Variants in HMOX1 observed in about 807,000 individuals in gnomAD.
The protein encoded by HMOX1 is heme oxygenase 1.
In HMOX1, 22 loss-of-function variants were observed where a neutral mutation model predicts 27.8. That is an observed-to-expected ratio of 0.79 (90% CI 0.57 to 1.13). The LOEUF (loss-of-function observed/expected upper bound fraction) is 1.13, where lower values mean the gene tolerates loss of function less well. HMOX1 is among the 50% of genes most tolerant of loss of function. HMOX1 has a pLI of 0.00. For synonymous variants in HMOX1, 153 were observed against 151.6 expected (o/e 1.01, Z -0.07); for missense variants, 379 against 377.7 (o/e 1.00, Z -0.03).
intron 3 of HMOX1, 66 bp downstream of exon 3, chr22:35,387,242 A>G: frequency 6.3e-7 from 1 of 1,580,002 alleles, no homozygotes; most frequent in East Asian, 2.2e-5. Context: ...GACCCTTCTC[A>G]TTGTAGGGGA....
Position 35,389,299 on chromosome 22 carries a change from C to T in HMOX1, c.637-565C>T, listed in dbSNP as rs796968259. Among the ~76,000 whole-genome samples, 449 of 69,358 alleles carry T rather than the reference C, an allele frequency of 6.5e-3. 10 individuals carry two copies. Among genetic ancestry groups the T allele is most frequent in the Middle Eastern group, 0.037 (5 of 134 alleles). The allele number at this position is 69,358 out of a possible 152,430, so 45.5% of individuals were successfully genotyped here. A position where few individuals can be genotyped will look rare whatever the true frequency, so the allele number is the denominator to read the frequency against. On this transcript the variant is annotated intron_variant, in intron 3 of 4. Transcript: ENST00000216117. ...CCTCTCTCTCTCTCTCTTCTTTCTT[C>T]TTTCTTTCTTTCTTTCTTTCTTCTT...
At chr22:35,390,729 T>C (rs5755718) in intron 4 of HMOX1, among the ~76,000 whole-genome samples, 67,100 of 151,782 alleles carry the variant, frequency 0.44, 15,810 homozygotes, top group African/African-American at 0.62. Flanking sequence ...AACTCCTGCC[T>C]CCTTAATTTA....
At position 35,393,531 on chromosome 22, in the gene HMOX1, T is replaced by A. The variant is rs1340015433; in HGVS notation, c.800T>A (p.Leu267His). 2 of 1,614,218 alleles carry A rather than the reference T, an allele frequency of 1.2e-6. No homozygotes were observed. The highest frequency in any genetic ancestry group is 2.2e-5 in the South Asian group (2 of 91,086). ...CTCAACACCCGCTCCCAGGCTCCGC[T>A]TCTCCGATGGGTCCTTACACTCAGC... is the stretch of plus-strand genomic sequence containing the variant. Reference protein sequence around the residue: ...PPLNTRSQAPLLRWVLTLSFL... With the variant: ...PPLNTRSQAPHLRWVLTLSFL... The change falls in exon 5 of 5, where the codon CTT (leucine) becomes CAT (histidine). Residue 267 changes from leucine to histidine, a missense_variant. Physicochemically the swap from Leu to His is moderately conservative, Grantham distance 99. Coordinates refer to ENST00000216117, the MANE Select transcript of HMOX1 (RefSeq NM_002133.3).
intron 4 of HMOX1, 57 bp downstream of exon 4, chr22:35,390,020 G>T: frequency 1.9e-6 from 2 of 1,062,418 alleles, no homozygotes; most frequent in Admixed American, 4.2e-5. Context: ...GGACTTGGCT[G>T]TCTGACTGTA....
rs201596112 is a variant in HMOX1 at position 35,386,947 on chromosome 22, G to A, written c.407G>A (p.Arg136His). The change falls in exon 3 of 5, where the codon CGC (arginine) becomes CAC (histidine). Residue 136 changes from arginine to histidine, a missense_variant. Physicochemically the swap from Arg to His is conservative, Grantham distance 29 (BLOSUM62 0). Transcript: ENST00000216117. ...PELLVAHAYT[R>H]YLGDLSGGQV... ...CTGCTGGTGGCCCACGCCTACACCC[G>A]CTACCTGGGTGACCTGTCTGGGGGC... The A allele has an allele frequency of 2.7e-5, 43 of 1,613,942 alleles. No individual in the cohort carries two copies. Among genetic ancestry groups the A allele is most frequent in the Middle Eastern group, 1.6e-4 (1 of 6,082 alleles).
chr22:35,388,484 CAAAA>C (rs965782026), intron 3 of HMOX1, among the ~76,000 whole-genome samples: 2 of 143,082 alleles, frequency 1.4e-5, no homozygotes, highest in African/African-American at 5.3e-5. Context: ...AAAACAAAAA[CAAAA>C]AAAAACGGCT....
chr22:35,392,221 C>CAA (rs35400739), intron 4 of HMOX1, among the ~76,000 whole-genome samples: 107 of 90,540 alleles, frequency 1.2e-3, no homozygotes, highest in African/African-American at 2.1e-3. Context: ...GACTCCATCT[C>CAA]AAAAAAAAAA....
In HMOX1 at chr22:35,389,436, CTTTCTTTCTTTCT is replaced by C. The variant is rs1311167196; in HGVS notation, c.637-413_637-401del. 1.4e-3 allele frequency among the ~76,000 whole-genome samples: 149 copies of C among 107,370 alleles called. 9 individuals are homozygous for C. Among genetic ancestry groups the C allele is most frequent in the Middle Eastern group, 8.5e-3 (2 of 236 alleles). 70.4% of individuals were successfully genotyped at this position (107,370 alleles called of 152,430 possible). On this transcript the variant is annotated intron_variant, in intron 3 of 4. Coordinates refer to ENST00000216117, the MANE Select transcript of HMOX1 (RefSeq NM_002133.3). Reference sequence around the variant, plus strand: ...TCTTTCTTTCTTTCTTTCTATCTTTCTTTCTTTCTTTCTTTTCTTTCTTTCTTGCAGAGTCTCG... The same window carrying C: ...TCTTTCTTTCTTTCTTTCTATCTTTCTTTCTTTCTTTCTTGCAGAGTCTCG...
At chr22:35,387,700 A>G (rs1204568015) in intron 3 of HMOX1, among the ~76,000 whole-genome samples, 1 of 152,220 alleles carries the variant, frequency 6.6e-6, no homozygotes, top group Non-Finnish European at 1.5e-5. Context: ...CAAAGCCTGG[A>G]AGGATGAATT....
At position 35,393,636 on chromosome 22, in the gene HMOX1, C is replaced by T. The variant is rs866643988; in HGVS notation, c.*38C>T. 6.2e-7 allele frequency: 1 copy of T among 1,613,318 alleles called. No individual in the cohort carries two copies. The highest frequency in any genetic ancestry group is 1.3e-5 in the African/African-American group (1 of 75,020). ...TGGCTCCCAGGGCCATGAACTTTGT[C>T]CGGTGGAAGGCCTTCTTTCTAGAGA... is the stretch of plus-strand genomic sequence containing the variant. On this transcript the variant is annotated 3_prime_UTR_variant, in exon 5 of 5. Coordinates refer to ENST00000216117, the MANE Select transcript of HMOX1 (RefSeq NM_002133.3).
chr22:35,386,697 T>A lies in HMOX1; in HGVS notation c.157T>A (p.Ser53Thr). 4 of 1,614,122 alleles carry A rather than the reference T, an allele frequency of 2.5e-6. No individual in the cohort carries two copies. The highest frequency in any genetic ancestry group is 3.4e-6 in the Non-Finnish European group (4 of 1,180,004). ...TRDGFKLVMA[S>T]LYHIYVALEE... is the part of the protein sequence containing the mutation. ...ACTCTGCTTTCAGCTGGTGATGGCCTCCCTGTACCACATCTATGTGGCCCT... is the reference window on the plus strand; with the variant it reads ...ACTCTGCTTTCAGCTGGTGATGGCCACCCTGTACCACATCTATGTGGCCCT... The change falls in exon 3 of 5, where the codon TCC becomes ACC. Residue 53 changes from serine to threonine, a missense_variant. Transcript: ENST00000216117.
chr22:35,393,115 C>T (rs921345157), intron 4 of HMOX1, among the ~76,000 whole-genome samples: 5 of 152,170 alleles, frequency 3.3e-5, no homozygotes, highest in Non-Finnish European at 4.4e-5. Context: ...GCTTAGCAAA[C>T]GTGTGAGTTT....
intron 2 of HMOX1, among the ~76,000 whole-genome samples, chr22:35,385,827 GCTGGT>G (rs1006545536): frequency 1.4e-4 from 22 of 151,888 alleles, no homozygotes; most frequent in Non-Finnish European, 2.6e-4. Context: ...TATTGCCCAG[GCTGGT>G]CTCTTGGCCA....
rs1454750504 is a variant in HMOX1, at chr22:35,386,687, G to A, written c.147G>A (p.Leu49=). 3.1e-6 allele frequency: 5 copies of A among 1,614,178 alleles called. No homozygotes were observed. The South Asian group carries it at 5.5e-5, about 18-fold the overall frequency. ...TGACCTGCTCACTCTGCTTTCAGCT[G>A]GTGATGGCCTCCCTGTACCACATCT... ...KGQVTRDGFK[L]VMASLYHIYV... is the part of the protein sequence containing the mutation. Residue 49 remains leucine, a splice_region_variant and synonymous_variant, in exon 3 of 5, where the codon CTG becomes CTA. Transcript: ENST00000216117.
Position 35,392,995 on chromosome 22 carries a change from C to T in HMOX1, c.737-473C>T, listed in dbSNP as rs1448185129. ...CCTCCCAAAGTGCTGGGATTACAGG[C>T]GTGAGCCACTGCGCCCGGCCCTATC... On this transcript the variant is annotated intron_variant, in intron 4 of 4. Transcript: ENST00000216117. Among the ~76,000 whole-genome samples, 5 of 152,138 alleles carry T rather than the reference C, an allele frequency of 3.3e-5. No individual in the cohort carries two copies. In the East Asian group the frequency reaches 7.7e-4, roughly 23 times the overall value.
chr22:35,387,208 C>T (rs1226213696), intron 3 of HMOX1, 32 bp downstream of exon 3: 1 of 1,612,662 alleles, frequency 6.2e-7, no homozygotes, highest in South Asian at 1.1e-5. Flanking sequence ...GCAGCCTCTG[C>T]CTCCCCCCGT....
rs397956005 is a variant in HMOX1, at chr22:35,388,813, CA to C, written c.637-1042del. On this transcript the variant is annotated intron_variant, in intron 3 of 4. Transcript: ENST00000216117. ...CTCCGTATTAAAAACAAAAAACAAACAAAAAAAAACGGCTCTTAGTGCCTGA... is the reference window on the plus strand; with the variant it reads ...CTCCGTATTAAAAACAAAAAACAAACAAAAAAAACGGCTCTTAGTGCCTGA... Among the ~76,000 whole-genome samples the C allele has an allele frequency of 1.4e-4, 20 of 147,388 alleles. 1 individual carries two copies. Among genetic ancestry groups the C allele is most frequent in the African/African-American group, 4.7e-4 (19 of 40,346 alleles).
At chr22:35,388,337 A>C (rs1388418102) in intron 3 of HMOX1, among the ~76,000 whole-genome samples, 2 of 152,080 alleles carry the variant, frequency 1.3e-5, no homozygotes, top group Non-Finnish European at 2.9e-5. Flanking sequence ...CTGTAGTCCC[A>C]GCTACTTGGG....
In HMOX1 at chr22:35,381,131, C is replaced by T. The variant is rs1386554328; in HGVS notation, c.-43C>T. 4 of 1,536,628 alleles carry T rather than the reference C, an allele frequency of 2.6e-6. No individual in the cohort carries two copies. The highest frequency in any genetic ancestry group is 1.7e-4 in the Middle Eastern group (1 of 5,844). ...TCCTCTCGAGCGTCCTCAGCGCAGCCGCCGCCCGCGGAGCCAGCACGAACG... is the reference window on the plus strand; with the variant it reads ...TCCTCTCGAGCGTCCTCAGCGCAGCTGCCGCCCGCGGAGCCAGCACGAACG... On this transcript the variant is annotated 5_prime_UTR_variant, in exon 1 of 5. Coordinates refer to ENST00000216117, the MANE Select transcript of HMOX1 (RefSeq NM_002133.3).
Sources: allele counts gnomAD v4.1 joint callset (sites outside exome capture counted in the v4.1 genomes callset), GRCh38; gene constraint gnomAD v4.1.1; transcripts MANE v1.5; gene names NCBI Gene and HGNC (gene_info 2026-07-23, HGNC 2026-07-21).